The following FRY variants were observed in gnomAD, a reference collection of about 807,000 sequenced individuals.
FRY encodes protein furry homolog.
FRY carries 128 observed loss-of-function variants against 348.4 expected under a neutral mutation model. The ratio of observed to expected loss-of-function variants is 0.37; its 90% CI spans 0.32 to 0.43. FRY has a LOEUF of 0.43. Ranked by LOEUF, FRY falls within the 20% of genes least tolerant of loss-of-function variation. The probability of loss-of-function intolerance (pLI) is 1.00; values close to 1 mark genes in which losing one functional copy is unlikely to be tolerated. For missense variants in FRY, 2,736 were observed against 3,695.2 expected (o/e 0.74, Z 6.73); for synonymous variants, 1,370 against 1,374.7 (o/e 1.00, Z 0.08).
chr13:32,110,712 A>G (rs551903600), intron 3 of FRY, among the ~76,000 whole-genome samples: 1 of 152,328 alleles, frequency 6.6e-6, no homozygotes, highest in South Asian at 2.1e-4. Context: ...CTTATGTAGT[A>G]TTTAATGATG....
In FRY at chr13:32,131,831, G is replaced by C; in HGVS notation, c.876G>C (p.Gln292His). 6.2e-7 allele frequency: 1 copy of C among 1,612,996 alleles called. No individual in the cohort carries two copies. Among genetic ancestry groups the C allele is most frequent in the Non-Finnish European group, 8.5e-7 (1 of 1,178,962 alleles). Residue 292 changes from glutamine (Q) to histidine (H), a missense_variant, in exon 8 of 61, where the codon CAG (glutamine) becomes CAC (histidine). Around this residue, in one of 9 missense-constraint regions of FRY, gnomAD observed 309 missense variants for 418.1 expected, o/e 0.74. Transcript: ENST00000542859. ...YPVEDFEASL[Q>H]FMQECAHYFL... ...TGGAGGATTTTGAGGCCTCTCTTCA[G>C]TTTATGCAGGTAATGTCTTAGGCAG...
intron 5 of FRY, 65 bp from the exon 6 acceptor site, chr13:32,124,537 G>A (rs1878906900): frequency 1.0e-6 from 1 of 961,974 alleles, no homozygotes; most frequent in Non-Finnish European, 1.7e-6. Context: ...ATAGTTATTG[G>A]AAGTACTGTA....
chr13:32,274,870 C>G lies in FRY; in HGVS notation c.8165C>G (p.Thr2722Ser). ...ATTCAGAAAAGGTTCTGCTTCCTAA[C>G]CTGTGATGCAGCCAGTTACCTTGGA... ...KNIQKRFCFL[T>S]CDAASYLGDN... The change falls in exon 56 of 61, where the codon ACC becomes AGC. Residue 2722 changes from threonine (T) to serine (S), a missense_variant. Thr to Ser is a moderately conservative substitution (Grantham distance 58). This residue lies in a region of FRY where 789 missense variants were observed against 996.2 expected (regional missense o/e 0.79). Transcript: ENST00000542859. 1 of 1,613,482 alleles carries G rather than the reference C, an allele frequency of 6.2e-7. No individual in the cohort carries two copies. Among genetic ancestry groups the G allele is most frequent in the Non-Finnish European group, 8.5e-7 (1 of 1,179,470 alleles).
Position 32,295,257 on chromosome 13 carries a change from C to T in FRY, c.8839C>T (p.Leu2947=). Residue 2947 remains leucine (L), a synonymous_variant, in exon 61 of 61, where the codon CTA becomes TTA. Transcript: ENST00000542859. The part of the protein sequence containing the change: ...GSSSDDEVQT[L]LNIYFRHQTL... ...CAGTTCTGATGATGAGGTCCAGACACTACTGAATATTTATTTCCGTCACCA... is the reference window on the plus strand; with the variant it reads ...CAGTTCTGATGATGAGGTCCAGACATTACTGAATATTTATTTCCGTCACCA... The T allele has an allele frequency of 6.2e-7, 1 of 1,613,598 alleles. No homozygotes were observed. The highest frequency in any genetic ancestry group is 2.2e-5 in the East Asian group (1 of 44,888).
At chr13:32,258,595 A>G (rs1344335656) in intron 51 of FRY, among the ~76,000 whole-genome samples, 2 of 147,360 alleles carry the variant, frequency 1.4e-5, no homozygotes, top group African/African-American at 2.5e-5. Flanking sequence ...CCTGGGTAAC[A>G]GAGCAAGACT....
Position 32,141,526 on chromosome 13 carries a change from A to T in FRY, c.1179+4554A>T, listed in dbSNP as rs1880070755. Among the ~76,000 whole-genome samples the T allele has an allele frequency of 2.6e-5, 4 of 152,254 alleles. No individual in the cohort carries two copies. In the South Asian group the frequency reaches 8.3e-4, roughly 31 times the overall value. ...GGTCTTTACCTTAACATACATAAGA[A>T]TTCCTACAGAAGCCTGTTATAAATG... On this transcript the variant is annotated intron_variant, in intron 11 of 60. Transcript: ENST00000542859.
intron 4 of FRY, among the ~76,000 whole-genome samples, chr13:32,124,043 G>A (rs1457614551): frequency 6.6e-6 from 1 of 152,074 alleles, no homozygotes; most frequent in African/African-American, 2.4e-5. Context: ...TCACCATGTG[G>A]GCCAAGCTGT....
At chr13:32,101,110 T>C (rs573746806) in intron 2 of FRY, among the ~76,000 whole-genome samples, 1 of 152,324 alleles carries the variant, frequency 6.6e-6, no homozygotes, top group African/African-American at 2.4e-5. Flanking sequence ...ACATCTTCCA[T>C]TTCCTCTCAT....
intron 17 of FRY, among the ~76,000 whole-genome samples, chr13:32,166,735 C>T (rs1226918170): frequency 6.6e-6 from 1 of 152,048 alleles, no homozygotes; most frequent in Non-Finnish European, 1.5e-5. Flanking sequence ...AGCTTCTTCC[C>T]CTTACCCCTC....
intron 16 of FRY, among the ~76,000 whole-genome samples, chr13:32,160,841 G>A (rs1881401296): frequency 6.6e-6 from 1 of 152,188 alleles, no homozygotes; most frequent in Non-Finnish European, 1.5e-5. Context: ...CCATTTCTGT[G>A]ATTCTGGTAT....
At position 32,179,787 on chromosome 13, in the gene FRY, C is replaced by T. The variant is rs1037669672; in HGVS notation, c.2984C>T (p.Ser995Phe). 1 of 1,613,418 alleles carries T rather than the reference C, an allele frequency of 6.2e-7. No individual in the cohort carries two copies. Among genetic ancestry groups the T allele is most frequent in the African/African-American group, 1.3e-5 (1 of 74,894 alleles). ...GTTTTAGGATTTGGAAGAACAAATT[C>T]CCTTGTTTTCAGGTACAGTAGTCTT... ...SLVLGFGRTNSLVFRELVEEL... is the reference protein window; with the variant it reads ...SLVLGFGRTNFLVFRELVEEL... Residue 995 changes from serine to phenylalanine, a missense_variant, in exon 23 of 61, where the codon TCC becomes TTC. Physicochemically the swap from Ser to Phe is radical, Grantham distance 155. This residue lies in a region of FRY where 449 missense variants were observed against 576.9 expected (regional missense o/e 0.78). Transcript: ENST00000542859.
intron 1 of FRY, among the ~76,000 whole-genome samples, chr13:32,035,014 G>A (rs551427449): frequency 6.6e-6 from 1 of 152,316 alleles, no homozygotes; most frequent in South Asian, 2.1e-4. Flanking sequence ...TAAAATGTAC[G>A]CAAAAATAAT....
intron 2 of FRY, among the ~76,000 whole-genome samples, chr13:32,101,136 C>T (rs938691290): frequency 5.3e-5 from 8 of 152,154 alleles, no homozygotes; most frequent in African/African-American, 1.7e-4. Flanking sequence ...TCTCGCCAGC[C>T]CCTGGTAACT....
At chr13:32,184,118 A>G (rs1394132196) in intron 24 of FRY, among the ~76,000 whole-genome samples, 1 of 150,860 alleles carries the variant, frequency 6.6e-6, no homozygotes, top group East Asian at 2.0e-4. Flanking sequence ...GTTCGAGGTT[A>G]TAGTAAGCCA....
chr13:32,143,336 A>C (rs776007509), intron 11 of FRY, among the ~76,000 whole-genome samples: 29 of 152,344 alleles, frequency 1.9e-4, no homozygotes, highest in Non-Finnish European at 3.7e-4. Context: ...CTAAAAACCA[A>C]TTAACAGTAC....
intron 11 of FRY, among the ~76,000 whole-genome samples, chr13:32,144,550 G>T (rs1045669174): frequency 6.6e-6 from 1 of 151,938 alleles, no homozygotes; most frequent in African/African-American, 2.4e-5. Flanking sequence ...TTCAGTAACA[G>T]TTTAAAGATA....
intron 44 of FRY, 21 bp downstream of exon 44, chr13:32,238,007 CCT>C (rs751553947): frequency 1.9e-6 from 3 of 1,611,384 alleles, no homozygotes; most frequent in Non-Finnish European, 2.5e-6. Context: ...CCTCGTTCAC[CCT>C]GTCTCAATTC....
At chr13:32,252,448 C>T (rs2138512630) in intron 50 of FRY, among the ~76,000 whole-genome samples, 1 of 152,208 alleles carries the variant, frequency 6.6e-6, no homozygotes, top group South Asian at 2.1e-4. Context: ...AAACAAAAAT[C>T]ATACCATCAA....
rs1417467083 is a variant in FRY at position 32,236,096 on chromosome 13, C to T, written c.5734C>T (p.Leu1912Phe). 6.2e-7 allele frequency: 1 copy of T among 1,613,506 alleles called. No homozygotes were observed. Among genetic ancestry groups the T allele is most frequent in the Non-Finnish European group, 8.5e-7 (1 of 1,179,518 alleles). ...TTGGCAGGGTTATGTAATGGAAGCG[C>T]TCCTAACCTTGGAGGCGGCTGTGGA... Reference protein sequence around the residue: ...DEIQGYVMEALLTLEAAVDNL... With the variant: ...DEIQGYVMEAFLTLEAAVDNL... The change falls in exon 43 of 61, where the codon CTC becomes TTC. Residue 1912 changes from leucine to phenylalanine, a missense_variant. Leu to Phe is a conservative substitution (Grantham distance 22, BLOSUM62 0). Coordinates refer to ENST00000542859, the MANE Select transcript of FRY (RefSeq NM_023037.3).
Sources: gnomAD v4.1 joint callset for allele counts (sites outside exome capture counted in the v4.1 genomes callset) on GRCh38, gnomAD v4.1.1 for gene constraint, gnomAD v4.1.1 regional missense constraint, MANE v1.5 for transcripts, NCBI Gene and HGNC (gene_info 2026-07-23, HGNC 2026-07-21) for gene names.